ATP6V0B: variants seen among roughly 807,000 people sequenced by gnomAD.
ATP6V0B encodes V-type proton ATPase 21 kDa proteolipid subunit c''.
ATP6V0B carries 4 observed loss-of-function variants against 26.2 expected under a neutral mutation model. That is an observed-to-expected ratio of 0.15 (90% CI 0.08 to 0.35). ATP6V0B has a LOEUF of 0.35. Among genes scored for constraint, ATP6V0B ranks in the 10% least tolerant of loss-of-function variants. ATP6V0B has a pLI of 1.00. For missense variants in ATP6V0B, 175 were observed against 272.5 expected (o/e 0.64, Z 2.52); for synonymous variants, 110 against 105.8 (o/e 1.04, Z -0.24).
In ATP6V0B at chr1:43,978,112, C is replaced by A; in HGVS notation, c.*105C>A. The A allele has an allele frequency of 6.7e-7, 1 of 1,499,256 alleles. No individual in the cohort carries two copies. The highest frequency in any genetic ancestry group is 9.3e-7 in the Non-Finnish European group (1 of 1,078,100). The allele number at this position is 1,499,256 out of a possible 1,614,324, so 92.9% of individuals were successfully genotyped here. A position where few individuals can be genotyped will look rare whatever the true frequency, so the allele number is the denominator to read the frequency against. On this transcript the variant is annotated 3_prime_UTR_variant, in exon 8 of 8. Transcript: ENST00000472174. The stretch of plus-strand genomic sequence containing the variant: ...CCTTTCAGAGGCTTGGTGTTCAGGG[C>A]CCTCCCTGCACTCCCCTCTTGCTGC...
rs1453764042 is a variant in ATP6V0B, at chr1:43,976,973, A to G, written c.401-53A>G. On this transcript the variant is annotated intron_variant, in intron 6 of 7. Coordinates refer to ENST00000472174, the MANE Select transcript of ATP6V0B (RefSeq NM_004047.5). This position sits in a 1 kb window ranked among gnomAD's most constrained non-coding sequence, Gnocchi z 4.6. ...GGATGGTGATTGGCCCCATTAGCCC[A>G]TATCTCCCCCATTCCTGGCTTAGCC... is the stretch of plus-strand genomic sequence containing the variant. 1.4e-5 allele frequency: 23 copies of G among 1,601,304 alleles called. No homozygotes were observed. The South Asian group carries it at 2.1e-4, about 15-fold the overall frequency.
In ATP6V0B at chr1:43,976,680, G is replaced by A. The variant is rs2085524009; in HGVS notation, c.348+21G>A. On this transcript the variant is annotated intron_variant, in intron 5 of 7. Coordinates refer to ENST00000472174, the MANE Select transcript of ATP6V0B (RefSeq NM_004047.5). The surrounding 1 kb of genome is among the most constrained non-coding windows in gnomAD (Gnocchi z 4.6). Reference sequence around the variant, plus strand: ...CTGAGGTATGGAAGGCCAGGGTGGTGGCGGGAATCCATTCCAGTGTGTTCT... The same window carrying A: ...CTGAGGTATGGAAGGCCAGGGTGGTAGCGGGAATCCATTCCAGTGTGTTCT... 6.2e-7 allele frequency: 1 copy of A among 1,614,036 alleles called. No homozygotes were observed. Among genetic ancestry groups the A allele is most frequent in the Non-Finnish European group, 8.5e-7 (1 of 1,179,910 alleles).
At chr1:43,975,557 G>C in intron 1 of ATP6V0B, 1 of 583,184 alleles carries the variant, frequency 1.7e-6, no homozygotes, top group Non-Finnish European at 3.0e-6. Context: ...CCTCGGATTC[G>C]GGCTTGCGGG....
chr1:43,975,902 CTT>C lies in ATP6V0B; in HGVS notation c.116+55_116+56del, dbSNP rs969302933. The C allele has an allele frequency of 1.1e-5, 17 of 1,542,732 alleles. No individual in the cohort carries two copies. The African/African-American group carries it at 2.1e-4, about 19-fold the overall frequency. ...TTGAAGCTTCTTCCCTGCAGCCTCTCTTCTTTTCTCTGGTCTGAGTCCCTCCC... is the reference window on the plus strand; with the variant it reads ...TTGAAGCTTCTTCCCTGCAGCCTCTCCTTTTCTCTGGTCTGAGTCCCTCCC... On this transcript the variant is annotated intron_variant, in intron 2 of 7. Coordinates refer to ENST00000472174, the MANE Select transcript of ATP6V0B (RefSeq NM_004047.5).
chr1:43,976,172 T>C lies in ATP6V0B; in HGVS notation c.199T>C (p.Trp67Arg), dbSNP rs373645584. 6.2e-7 allele frequency: 1 copy of C among 1,613,612 alleles called. No homozygotes were observed. Among genetic ancestry groups the C allele is most frequent in the African/African-American group, 1.3e-5 (1 of 74,864 alleles). The change falls in exon 3 of 8, where the codon TGG becomes CGG. Residue 67 changes from tryptophan (W) to arginine (R), a missense_variant and splice_region_variant. Coordinates refer to ENST00000472174, the MANE Select transcript of ATP6V0B (RefSeq NM_004047.5). The surrounding 1 kb of genome is among the most constrained non-coding windows in gnomAD (Gnocchi z 4.6). ...CTCCCTGTCTGTGGTTGGGGCAGCC[T>C]GGTGAGTATTGGGGTGGTGGGACTG... ...AISLSVVGAA[W>R]GIYITGSSII...
Position 43,977,491 on chromosome 1 carries a change from A to G in ATP6V0B, c.591+275A>G, listed in dbSNP as rs777180040. The G allele has an allele frequency of 2.5e-4, 350 of 1,427,644 alleles. 1 individual carries two copies. The highest frequency in any genetic ancestry group is 3.1e-4 in the Non-Finnish European group (341 of 1,098,680). The allele number at this position is 1,427,644 out of a possible 1,614,324, so 88.4% of individuals were successfully genotyped here. ...TAGTCCTCCCTCTTTCTGTTCTCTC[A>G]TTTTATCTGCCATGCTTTTCATGTC... On this transcript the variant is annotated intron_variant, in intron 7 of 7. Transcript: ENST00000472174.
In ATP6V0B at chr1:43,976,949, G is replaced by A; in HGVS notation, c.401-77G>A. ...TACTTTTTCTGCTTTGCAGAGTGGG[G>A]ATGGTGATTGGCCCCATTAGCCCAT... is the stretch of plus-strand genomic sequence containing the variant. On this transcript the variant is annotated intron_variant, in intron 6 of 7. Transcript: ENST00000472174. The surrounding 1 kb of genome is among the most constrained non-coding windows in gnomAD (Gnocchi z 4.6). 2 of 1,601,564 alleles carry A rather than the reference G, an allele frequency of 1.2e-6. No individual in the cohort carries two copies. The highest frequency in any genetic ancestry group is 1.1e-5 in the South Asian group (1 of 90,636).
At chr1:43,975,204 C>T in intron 1 of ATP6V0B, 97 bp downstream of exon 1, 1 of 1,323,420 alleles carries the variant, frequency 7.6e-7, no homozygotes, top group Non-Finnish European at 1.0e-6. Flanking sequence ...ACTGGCCCCC[C>T]GCGCGCTCTG....
chr1:43,976,953 G>A lies in ATP6V0B; in HGVS notation c.401-73G>A. ...TTTTCTGCTTTGCAGAGTGGGGATG[G>A]TGATTGGCCCCATTAGCCCATATCT... On this transcript the variant is annotated intron_variant, in intron 6 of 7. Transcript: ENST00000472174. This position sits in a 1 kb window ranked among gnomAD's most constrained non-coding sequence, Gnocchi z 4.6. 3.1e-6 allele frequency: 5 copies of A among 1,601,030 alleles called. No homozygotes were observed. The highest frequency in any genetic ancestry group is 2.2e-5 in the South Asian group (2 of 90,646).
chr1:43,978,035 C>A lies in ATP6V0B; in HGVS notation c.*28C>A. On this transcript the variant is annotated 3_prime_UTR_variant, in exon 8 of 8. Transcript: ENST00000472174. ...GATATGTGTGGGTGGGGCCGTGCCT[C>A]ACTTTTATTTATTGCTGGTTTTCCT... 6.2e-7 allele frequency: 1 copy of A among 1,614,162 alleles called. No individual in the cohort carries two copies. Among genetic ancestry groups the A allele is most frequent in the Non-Finnish European group, 8.5e-7 (1 of 1,180,010 alleles).
In ATP6V0B at chr1:43,976,274, G is replaced by A. The variant is rs2085518866; in HGVS notation, c.201-28G>A. ...TGAGGGCAGTGACAGCTTGGGCTCT[G>A]CTCATCAGTTTTTTATCCTTCCACC... On this transcript the variant is annotated intron_variant, in intron 3 of 7. Transcript: ENST00000472174. The surrounding 1 kb of genome is among the most constrained non-coding windows in gnomAD (Gnocchi z 4.6). 1 of 1,612,630 alleles carries A rather than the reference G, an allele frequency of 6.2e-7. No homozygotes were observed. The highest frequency in any genetic ancestry group is 1.7e-5 in the Admixed American group (1 of 59,996).
chr1:43,977,431 C>T (rs1420858079), intron 7 of ATP6V0B: 15 of 1,464,830 alleles, frequency 1.0e-5, no homozygotes, highest in Non-Finnish European at 1.3e-5. Flanking sequence ...TGTTCTTTTT[C>T]CCCCCTTTCT....
Position 43,975,054 on chromosome 1 carries a change from C to A in ATP6V0B, c.14C>A (p.Ala5Glu). The change falls in exon 1 of 8, where the codon GCA (alanine) becomes GAA (glutamate). Residue 5 changes from alanine (A) to glutamate (E), a missense_variant. Coordinates refer to ENST00000472174, the MANE Select transcript of ATP6V0B (RefSeq NM_004047.5). Reference protein sequence around the residue: MTGLALLYSGVFVAF... With the variant: MTGLELLYSGVFVAF... Reference sequence around the variant, plus strand: ...GCCGTCGCCGCCATGACGGGGCTAGCACTGCTCTACTCCGGGGTCTTCGTG... The same window carrying A: ...GCCGTCGCCGCCATGACGGGGCTAGAACTGCTCTACTCCGGGGTCTTCGTG... 1 of 1,374,244 alleles carries A rather than the reference C, an allele frequency of 7.3e-7. No homozygotes were observed. The highest frequency in any genetic ancestry group is 9.4e-7 in the Non-Finnish European group (1 of 1,065,812). 85.1% of individuals were successfully genotyped at this position (1,374,244 alleles called of 1,614,324 possible). A position where few individuals can be genotyped will look rare whatever the true frequency, so the allele number is the denominator to read the frequency against.
rs1347414271 is a variant in ATP6V0B, at chr1:43,974,983, G to T, written c.-58G>T. On this transcript the variant is annotated 5_prime_UTR_variant, in exon 1 of 8. Transcript: ENST00000472174. ...ACAGACTGCGGGACGGACGGTGGACGCTGGGACGCGTTTGTAGCTCCGGCC... is the reference window on the plus strand; with the variant it reads ...ACAGACTGCGGGACGGACGGTGGACTCTGGGACGCGTTTGTAGCTCCGGCC... 25 of 1,218,484 alleles carry T rather than the reference G, an allele frequency of 2.1e-5. No homozygotes were observed. The highest frequency in any genetic ancestry group is 2.5e-5 in the Non-Finnish European group (24 of 962,946). The allele number at this position is 1,218,484 out of a possible 1,614,324, so 75.5% of individuals were successfully genotyped here.
In ATP6V0B at chr1:43,975,199, C is replaced by A. The variant is rs916708613; in HGVS notation, c.67+92C>A. ...GGAAGTGGCCTGCGGGGAATACTGG[C>A]CCCCCGCGCGCTCTGCACCCGAGGC... On this transcript the variant is annotated intron_variant, in intron 1 of 7. Coordinates refer to ENST00000472174, the MANE Select transcript of ATP6V0B (RefSeq NM_004047.5). 31 of 1,335,868 alleles carry A rather than the reference C, an allele frequency of 2.3e-5. No individual in the cohort carries two copies. The South Asian group carries it at 2.7e-4, about 12-fold the overall frequency. The allele number at this position is 1,335,868 out of a possible 1,614,324, so 82.8% of individuals were successfully genotyped here.
chr1:43,976,952 G>T lies in ATP6V0B; in HGVS notation c.401-74G>T. On this transcript the variant is annotated intron_variant, in intron 6 of 7. Transcript: ENST00000472174. This position sits in a 1 kb window ranked among gnomAD's most constrained non-coding sequence, Gnocchi z 4.6. ...TTTTTCTGCTTTGCAGAGTGGGGAT[G>T]GTGATTGGCCCCATTAGCCCATATC... 6.2e-7 allele frequency: 1 copy of T among 1,600,888 alleles called. No homozygotes were observed. Among genetic ancestry groups the T allele is most frequent in the Non-Finnish European group, 8.6e-7 (1 of 1,169,222 alleles).
intron 7 of ATP6V0B, 179 bp from the exon 8 acceptor site, chr1:43,977,802 T>G: frequency 6.4e-7 from 1 of 1,550,900 alleles, no homozygotes; most frequent in Non-Finnish European, 8.7e-7. Context: ...TCCCACAGCG[T>G]AACTCTGTGG....
At chr1:43,975,643 G>A (rs999416581) in intron 1 of ATP6V0B, 157 bp from the exon 2 acceptor site, 3 of 795,340 alleles carry the variant, frequency 3.8e-6, no homozygotes, top group South Asian at 3.0e-5. Context: ...GGAGGCCTAA[G>A]CAGAGGAATC....
chr1:43,977,717 G>T lies in ATP6V0B; in HGVS notation c.592-264G>T. The T allele has an allele frequency of 2.1e-6, 3 of 1,437,514 alleles. No individual in the cohort carries two copies. The South Asian group carries it at 4.5e-5, about 21-fold the overall frequency. The allele number at this position is 1,437,514 out of a possible 1,614,324, so 89.0% of individuals were successfully genotyped here. A position where few individuals can be genotyped will look rare whatever the true frequency, so the allele number is the denominator to read the frequency against. On this transcript the variant is annotated intron_variant, in intron 7 of 7. Coordinates refer to ENST00000472174, the MANE Select transcript of ATP6V0B (RefSeq NM_004047.5). Reference sequence around the variant, plus strand: ...TGACTAAGGATCAGCCTGAGGGTCTGAGTGTGACTGTGGGTGCTTGACTGA... The same window carrying T: ...TGACTAAGGATCAGCCTGAGGGTCTTAGTGTGACTGTGGGTGCTTGACTGA...
Sources: allele counts gnomAD v4.1 joint callset, GRCh38; gene constraint gnomAD v4.1.1; non-coding constraint Gnocchi (gnomAD v3.1); transcripts MANE v1.5; gene names NCBI Gene and HGNC (gene_info 2026-07-23, HGNC 2026-07-21).